MOXD1: variants seen among roughly 807,000 people sequenced by gnomAD.
MOXD1 encodes DBH-like monooxygenase protein 1.
MOXD1 carries 62 observed loss-of-function variants against 66.6 expected under a neutral mutation model. That is an observed-to-expected ratio of 0.93 (90% CI 0.76 to 1.15). The LOEUF is 1.15. Among genes scored for constraint, MOXD1 ranks in the 50% most tolerant of loss-of-function variants. MOXD1 has a pLI of 0.00. For missense variants in MOXD1, 847 were observed against 754.6 expected, an observed-to-expected ratio of 1.12 and a Z score of -1.44; for synonymous variants, 303 against 281.9, an observed-to-expected ratio of 1.07 and a Z score of -0.75.
At chr6:132,356,859 AG>A (rs1476795531) in intron 4 of MOXD1, among the ~76,000 whole-genome samples, 1 of 152,150 alleles carries the variant, frequency 6.6e-6, no homozygotes, top group Non-Finnish European at 1.5e-5. Context: ...ATAAAGTTTT[AG>A]AAAAATACAA....
chr6:132,379,175 T>C (rs1322641357), intron 1 of MOXD1, among the ~76,000 whole-genome samples: 1 of 151,584 alleles, frequency 6.6e-6, no homozygotes, highest in East Asian at 1.9e-4. Flanking sequence ...AAAAAAAGAA[T>C]AATATAGCAT....
chr6:132,386,439 AAAAAAAC>A (rs1776645198), intron 1 of MOXD1, among the ~76,000 whole-genome samples: 2 of 146,338 alleles, frequency 1.4e-5, no homozygotes, highest in African/African-American at 5.1e-5. Flanking sequence ...AAAACAAAAA[AAAAAAAC>A]AAAAAAAAAA....
chr6:132,337,124 T>C (rs1446977546), intron 4 of MOXD1, among the ~76,000 whole-genome samples: 3 of 152,212 alleles, frequency 2.0e-5, no homozygotes, highest in Non-Finnish European at 4.4e-5. Flanking sequence ...CTGAAACCAG[T>C]TGCATCTCTA....
At chr6:132,307,064 A>G (rs938461871) in intron 10 of MOXD1, among the ~76,000 whole-genome samples, 2 of 152,236 alleles carry the variant, frequency 1.3e-5, no homozygotes, top group African/African-American at 4.8e-5. Context: ...CAATTAAAAG[A>G]CACAGATTGG....
At chr6:132,369,907 T>A (rs1271667285) in intron 4 of MOXD1, among the ~76,000 whole-genome samples, 1 of 152,114 alleles carries the variant, frequency 6.6e-6, no homozygotes, top group African/African-American at 2.4e-5. Context: ...GAACCACAGA[T>A]AAGTGGGTCT....
Position 132,372,621 on chromosome 6 carries a change from T to C in MOXD1, c.650A>G (p.His217Arg), listed in dbSNP as rs777762067. The C allele has an allele frequency of 1.2e-6, 2 of 1,612,904 alleles. No individual in the cohort carries two copies. Among genetic ancestry groups the C allele is most frequent in the African/African-American group, 2.7e-5 (2 of 74,908 alleles). ...TGAGTCACATACCTTTATTACATGA[T>C]GCTTTTCTTGGAACACAGGAATCTT... is the stretch of plus-strand genomic sequence containing the variant. ...MFKIPVFQEK[H>R]HVIKVEPVIQ... is the part of the protein sequence containing the mutation. The change falls in exon 4 of 12, where the codon CAT becomes CGT. Residue 217 changes from histidine to arginine, a missense_variant. Coordinates refer to ENST00000367963, the MANE Select transcript of MOXD1 (RefSeq NM_015529.4).
chr6:132,312,652 T>C (rs573742392), intron 10 of MOXD1, among the ~76,000 whole-genome samples: 55 of 151,820 alleles, frequency 3.6e-4, no homozygotes, highest in African/African-American at 1.3e-3. Context: ...ATCTCAAAAC[T>C]AGCCTTGTTC....
At chr6:132,348,342 C>T (rs1350235343) in intron 4 of MOXD1, among the ~76,000 whole-genome samples, 2 of 152,180 alleles carry the variant, frequency 1.3e-5, no homozygotes, top group Non-Finnish European at 2.9e-5. Context: ...TTTATCTTCA[C>T]CCTAACTTAA....
intron 1 of MOXD1, among the ~76,000 whole-genome samples, chr6:132,383,656 C>T (rs1475384048): frequency 6.6e-6 from 1 of 152,134 alleles, no homozygotes; most frequent in African/African-American, 2.4e-5. Context: ...AGCATAAAAT[C>T]AAAATTTTGA....
intron 1 of MOXD1, among the ~76,000 whole-genome samples, chr6:132,380,341 C>T (rs926516620): frequency 6.6e-6 from 1 of 152,194 alleles, no homozygotes; most frequent in Non-Finnish European, 1.5e-5. Flanking sequence ...TTATCAATCT[C>T]ACCACGGGAC....
chr6:132,346,502 T>C (rs1186046960), intron 4 of MOXD1, among the ~76,000 whole-genome samples: 1 of 152,170 alleles, frequency 6.6e-6, no homozygotes, highest in Non-Finnish European at 1.5e-5. Context: ...CTAAATCTAA[T>C]TGTAGGCAAT....
At chr6:132,314,878 A>G (rs1050699576) in intron 10 of MOXD1, among the ~76,000 whole-genome samples, 2 of 152,174 alleles carry the variant, frequency 1.3e-5, no homozygotes, top group African/African-American at 4.8e-5. Context: ...CTTGTTTATT[A>G]TATCTTAAAT....
chr6:132,317,164 C>A (rs1419627501), intron 9 of MOXD1, among the ~76,000 whole-genome samples: 1 of 152,084 alleles, frequency 6.6e-6, no homozygotes, highest in Non-Finnish European at 1.5e-5. Context: ...GGAAACAAAG[C>A]AACTGCCAAC....
intron 4 of MOXD1, among the ~76,000 whole-genome samples, chr6:132,347,025 G>A (rs914231051): frequency 3.3e-5 from 5 of 152,130 alleles, no homozygotes; most frequent in Non-Finnish European, 7.3e-5. Flanking sequence ...TAAAAAAGGT[G>A]CTAATATACA....
rs539261020 is a variant in MOXD1 at position 132,393,856 on chromosome 6, C to G, written c.264+7307G>C. Among the ~76,000 whole-genome samples, 3 of 152,314 alleles carry G rather than the reference C, an allele frequency of 2.0e-5. No homozygotes were observed. In the East Asian group the frequency reaches 5.8e-4, roughly 29 times the overall value. The stretch of plus-strand genomic sequence containing the variant: ...TGACCTTGCCACCCCAACAAAAAGG[C>G]AGCTATACATTTTCATGTGCCATCT... On this transcript the variant is annotated intron_variant, in intron 1 of 11. Coordinates refer to ENST00000367963, the MANE Select transcript of MOXD1 (RefSeq NM_015529.4).
chr6:132,327,739 C>T (rs1270610382), intron 6 of MOXD1, among the ~76,000 whole-genome samples: 2 of 152,186 alleles, frequency 1.3e-5, no homozygotes, highest in South Asian at 2.1e-4. Flanking sequence ...TATTATTCTA[C>T]TTCCTGGTAG....
intron 10 of MOXD1, among the ~76,000 whole-genome samples, chr6:132,314,870 T>C (rs1774906990): frequency 6.6e-6 from 1 of 152,200 alleles, no homozygotes; most frequent in Non-Finnish European, 1.5e-5. Flanking sequence ...ATATGAATCT[T>C]GTTTATTATA....
At chr6:132,363,008 G>A (rs1209713814) in intron 4 of MOXD1, among the ~76,000 whole-genome samples, 1 of 152,114 alleles carries the variant, frequency 6.6e-6, no homozygotes, top group East Asian at 1.9e-4. Context: ...CAGTCTCTGT[G>A]TACTCATATG....
At position 132,299,854 on chromosome 6, in the gene MOXD1, A is replaced by G. The variant is rs573299030; in HGVS notation, c.1509-1899T>C. Among the ~76,000 whole-genome samples the G allele has an allele frequency of 5.3e-5, 8 of 151,968 alleles. No individual in the cohort carries two copies. The South Asian group carries it at 8.3e-4, about 16-fold the overall frequency. On this transcript the variant is annotated intron_variant, in intron 10 of 11. Transcript: ENST00000367963. ...AGCTGAAGAATATACATTAATCTTC[A>G]TATTTTTAAAATTTATTTATGTCAT...
Sources: gnomAD v4.1 joint callset for allele counts (sites outside exome capture counted in the v4.1 genomes callset) on GRCh38, gnomAD v4.1.1 for gene constraint, MANE v1.5 for transcripts, NCBI Gene and HGNC (gene_info 2026-07-23, HGNC 2026-07-21) for gene names.